TACR3: variants seen among roughly 807,000 people sequenced by gnomAD.
The protein encoded by TACR3 is tachykinin receptor 3.
Under a neutral mutation model 35.0 loss-of-function variants are expected in TACR3, and 34 were observed. The ratio of observed to expected loss-of-function variants is 0.97; its 90% CI spans 0.74 to 1.30. TACR3 has a LOEUF of 1.30. TACR3 is among the 50% of genes most tolerant of loss of function. TACR3 has a pLI of 0.00. For missense variants in TACR3, 558 were observed against 591.7 expected, an observed-to-expected ratio of 0.94 and a Z score of 0.59; for synonymous variants, 233 against 221.1, an observed-to-expected ratio of 1.05 and a Z score of -0.48.
intron 4 of TACR3, chr4:103,591,278 T>C: frequency 1.7e-6 from 1 of 605,780 alleles, no homozygotes; most frequent in East Asian, 2.9e-5. Flanking sequence ...CCAAGATCAT[T>C]ATTTGGGGCA....
chr4:103,597,424 A>C (rs1199602418), intron 3 of TACR3, among the ~76,000 whole-genome samples: 16 of 152,060 alleles, frequency 1.1e-4, no homozygotes, highest in African/African-American at 2.7e-4. Context: ...ACACAACAAA[A>C]CTGCTTGTTT....
At chr4:103,709,553 T>A (rs186392458) in intron 1 of TACR3, among the ~76,000 whole-genome samples, 92 of 152,218 alleles carry the variant, frequency 6.0e-4, no homozygotes, top group African/African-American at 2.2e-3. Context: ...TGCAAAAACA[T>A]GCCAAATTGT....
intron 1 of TACR3, among the ~76,000 whole-genome samples, chr4:103,686,116 G>C (rs1722229088): frequency 6.6e-6 from 1 of 152,214 alleles, no homozygotes; most frequent in Non-Finnish European, 1.5e-5. Flanking sequence ...TTCAGGGGAA[G>C]AGACAGTCAA....
In TACR3 at chr4:103,645,805, G is replaced by A. The variant is rs564434539; in HGVS notation, c.888+10389C>T. ...TAGAACCACAATTTTAATTCCAAAA[G>A]ATCCCTACATACAATCTTATTTAAA... On this transcript the variant is annotated intron_variant, in intron 3 of 4. Coordinates refer to ENST00000304883, the MANE Select transcript of TACR3 (RefSeq NM_001059.3). 5.9e-5 allele frequency among the ~76,000 whole-genome samples: 9 copies of A among 151,978 alleles called. No homozygotes were observed. The East Asian group carries it at 1.7e-3, about 29-fold the overall frequency.
chr4:103,701,669 C>T (rs1722651594), intron 1 of TACR3, among the ~76,000 whole-genome samples: 1 of 151,764 alleles, frequency 6.6e-6, no homozygotes, highest in Non-Finnish European at 1.5e-5. Context: ...GCTACAGTAA[C>T]CAAAACAGCA....
chr4:103,635,252 A>ATAT (rs1725160835), intron 3 of TACR3, among the ~76,000 whole-genome samples: 1 of 151,896 alleles, frequency 6.6e-6, no homozygotes, highest in South Asian at 2.1e-4. Context: ...CAAAGTGCAT[A>ATAT]TATTTTTTCT....
intron 2 of TACR3, 53 bp from the exon 3 acceptor site, chr4:103,656,397 G>A: frequency 6.4e-7 from 1 of 1,569,404 alleles, no homozygotes; most frequent in Admixed American, 1.7e-5. Flanking sequence ...ATGAAATATT[G>A]GGGACTGAAT....
rs182594629 is a variant in TACR3, at chr4:103,602,549, C to T, written c.889-10866G>A. On this transcript the variant is annotated intron_variant, in intron 3 of 4. Transcript: ENST00000304883. ...CACCTTTGATCTTTGATGATGGTGA[C>T]GTACAGATGGGTTTTTGATGTGGAT... Among the ~76,000 whole-genome samples the T allele has an allele frequency of 9.6e-4, 145 of 151,738 alleles. 1 individual carries two copies. The highest frequency in any genetic ancestry group is 3.1e-3 in the African/African-American group (129 of 41,348).
At chr4:103,713,100 T>C (rs1427488568) in intron 1 of TACR3, among the ~76,000 whole-genome samples, 1 of 152,090 alleles carries the variant, frequency 6.6e-6, no homozygotes, top group Non-Finnish European at 1.5e-5. Flanking sequence ...AGAAATACCA[T>C]TTGACCCAGC....
At chr4:103,702,143 C>T (rs1313462779) in intron 1 of TACR3, among the ~76,000 whole-genome samples, 1 of 152,144 alleles carries the variant, frequency 6.6e-6, no homozygotes, top group African/African-American at 2.4e-5. Flanking sequence ...ATTTTCGCAA[C>T]TTACTCATCT....
At chr4:103,701,728 C>T (rs1441004890) in intron 1 of TACR3, among the ~76,000 whole-genome samples, 1 of 152,168 alleles carries the variant, frequency 6.6e-6, no homozygotes, top group East Asian at 1.9e-4. Context: ...CAGAACAGAG[C>T]CCTCAGAAAT....
chr4:103,685,143 A>G (rs1722201233), intron 1 of TACR3, among the ~76,000 whole-genome samples: 1 of 152,146 alleles, frequency 6.6e-6, no homozygotes, highest in South Asian at 2.1e-4. Context: ...GCAGTAATCA[A>G]TACAGTATGG....
rs900783744 is a variant in TACR3, at chr4:103,588,229, TAGAG to T, written c.*1449_*1452del. The T allele has an allele frequency of 3.9e-5, 6 of 152,156 alleles. No homozygotes were observed. The highest frequency in any genetic ancestry group is 1.4e-4 in the African/African-American group (6 of 41,460). The allele number at this position is 152,156 out of a possible 1,614,324, so 9.4% of individuals were successfully genotyped here. A position where few individuals can be genotyped will look rare whatever the true frequency, so the allele number is the denominator to read the frequency against. On this transcript the variant is annotated 3_prime_UTR_variant, in exon 5 of 5. Coordinates refer to ENST00000304883, the MANE Select transcript of TACR3 (RefSeq NM_001059.3). The stretch of plus-strand genomic sequence containing the variant: ...GGAGGCACAACAGTAAAGTGTTTGT[TAGAG>T]AGTATTATTTTAGACAAATATCTTT...
At chr4:103,714,912 A>G (rs1723054031) in intron 1 of TACR3, among the ~76,000 whole-genome samples, 1 of 152,118 alleles carries the variant, frequency 6.6e-6, no homozygotes, top group African/African-American at 2.4e-5. Flanking sequence ...TTCCTAGAGG[A>G]TCTTTGAGTA....
At chr4:103,649,000 C>G (rs1314122074) in intron 3 of TACR3, among the ~76,000 whole-genome samples, 2 of 152,058 alleles carry the variant, frequency 1.3e-5, no homozygotes, top group African/African-American at 4.8e-5. Context: ...AAAATGATAA[C>G]TCATTGTAGT....
intron 1 of TACR3, among the ~76,000 whole-genome samples, chr4:103,714,702 A>G (rs929183684): frequency 3.3e-5 from 5 of 152,174 alleles, no homozygotes; most frequent in Admixed American, 2.0e-4. Flanking sequence ...CCTAGAGTGC[A>G]GAGAAAGGAT....
At chr4:103,665,271 ATATGAC>A (rs1036306643) in intron 1 of TACR3, among the ~76,000 whole-genome samples, 1 of 152,028 alleles carries the variant, frequency 6.6e-6, no homozygotes, top group African/African-American at 2.4e-5. Context: ...ATATATGTAT[ATATGAC>A]TATGACTATT....
Position 103,719,883 on chromosome 4 carries a change from G to A in TACR3, c.-208C>T. On this transcript the variant is annotated 5_prime_UTR_variant, in exon 1 of 5. Transcript: ENST00000304883. ...GCTGCACTTTCTCAGAGGCGCTTGC[G>A]GCTCTGGCAGGCAGAAAGAATGAGA... is the stretch of plus-strand genomic sequence containing the variant. 1 of 620,564 alleles carries A rather than the reference G, an allele frequency of 1.6e-6. No individual in the cohort carries two copies. 38.4% of individuals were successfully genotyped at this position (620,564 alleles called of 1,614,324 possible). A position where few individuals can be genotyped will look rare whatever the true frequency, so the allele number is the denominator to read the frequency against.
intron 1 of TACR3, among the ~76,000 whole-genome samples, chr4:103,695,347 G>C (rs1363979678): frequency 1.3e-5 from 2 of 151,954 alleles, no homozygotes; most frequent in African/African-American, 4.8e-5. Context: ...CTATCCCTTA[G>C]ACAGCAAGAT....
Sources: gnomAD v4.1 joint callset for allele counts (sites outside exome capture counted in the v4.1 genomes callset) on GRCh38, gnomAD v4.1.1 for gene constraint, MANE v1.5 for transcripts, NCBI Gene and HGNC (gene_info 2026-07-23, HGNC 2026-07-21) for gene names.